The following MACROD2 variants were observed in gnomAD, a reference collection of about 807,000 sequenced individuals.
MACROD2 encodes ADP-ribose glycohydrolase MACROD2.
MACROD2 carries 36 observed loss-of-function variants against 70.4 expected under a neutral mutation model. The observed-to-expected ratio is 0.51, with a 90% CI of 0.39 to 0.68. MACROD2 has a LOEUF of 0.68. MACROD2 is among the 30% of genes least tolerant of loss of function. The pLI, the probability that MACROD2 is intolerant of heterozygous loss-of-function variation, is 0.00. For synonymous variants in MACROD2, 172 were observed against 178.8 expected (o/e 0.96, Z 0.30); for missense variants, 496 against 538.4 (o/e 0.92, Z 0.78).
chr20:15,973,783 C>T (rs2066265494), intron 13 of MACROD2, among the ~76,000 whole-genome samples: 1 of 152,138 alleles, frequency 6.6e-6, no homozygotes, highest in African/African-American at 2.4e-5. Flanking sequence ...TGAAGAACTA[C>T]TTCTATTTGA....
intron 15 of MACROD2, among the ~76,000 whole-genome samples, chr20:16,030,175 A>G (rs533620583): frequency 2.5e-3 from 388 of 152,344 alleles, no homozygotes; most frequent in Middle Eastern, 6.8e-3. Flanking sequence ...CCACTATGGG[A>G]AGTCCAAGCC....
intron 2 of MACROD2, among the ~76,000 whole-genome samples, chr20:14,063,355 C>G (rs1470824830): frequency 6.6e-6 from 1 of 152,172 alleles, no homozygotes; most frequent in Non-Finnish European, 1.5e-5. Flanking sequence ...GACATAGGCT[C>G]TATCCATCTT....
chr20:15,583,506 A>G (rs2146651971), intron 8 of MACROD2, among the ~76,000 whole-genome samples: 1 of 152,288 alleles, frequency 6.6e-6, no homozygotes, highest in East Asian at 1.9e-4. Flanking sequence ...GTAATCTCCT[A>G]CGTAATCTTC....
intron 3 of MACROD2, among the ~76,000 whole-genome samples, chr20:14,177,250 T>C (rs2081269791): frequency 6.6e-6 from 1 of 151,006 alleles, no homozygotes; most frequent in Admixed American, 6.6e-5. Context: ...AAACTACAAG[T>C]GATGGCTAGC....
intron 3 of MACROD2, among the ~76,000 whole-genome samples, chr20:14,356,005 A>T (rs574606132): frequency 6.6e-6 from 1 of 152,318 alleles, no homozygotes; most frequent in South Asian, 2.1e-4. Context: ...CTGGATTTCA[A>T]GAACAACCAT....
intron 3 of MACROD2, among the ~76,000 whole-genome samples, chr20:14,477,961 G>A (rs552319958): frequency 2.0e-5 from 3 of 152,230 alleles, no homozygotes; most frequent in South Asian, 2.1e-4. Context: ...AATGCCTCCC[G>A]ATTAGGCCTT....
At chr20:15,150,281 G>T (rs1310592213) in intron 5 of MACROD2, among the ~76,000 whole-genome samples, 1 of 151,964 alleles carries the variant, frequency 6.6e-6, no homozygotes, top group Admixed American at 6.6e-5. Context: ...GGGACGAGGG[G>T]TGTAGGGGAA....
chr20:14,190,696 ATATTTTTTTTT>A (rs1427841585), intron 3 of MACROD2, among the ~76,000 whole-genome samples: 7 of 39,868 alleles, frequency 1.8e-4, no homozygotes, highest in African/African-American at 7.2e-4. Flanking sequence ...ATATATATAT[ATATTTTTTTTT>A]TTTTTTTTTT....
chr20:15,678,711 T>C (rs2146852947), intron 8 of MACROD2, among the ~76,000 whole-genome samples: 1 of 152,308 alleles, frequency 6.6e-6, no homozygotes, highest in East Asian at 1.9e-4. Context: ...CTTTCATGAT[T>C]ATCAGGGCAT....
rs73901208 is a variant in MACROD2 at position 14,192,184 on chromosome 20, A to G, written c.271+106456A>G. 1.8e-3 allele frequency among the ~76,000 whole-genome samples: 281 copies of G among 152,108 alleles called. 1 individual carries two copies. Among genetic ancestry groups the G allele is most frequent in the African/African-American group, 5.1e-3 (213 of 41,498 alleles). ...TTTCTCTTCTTCTTTGGGATTATCT[A>G]TTATGACGCATACCATTTTAGAACT... On this transcript the variant is annotated intron_variant, in intron 3 of 17. Coordinates refer to ENST00000684519, the MANE Select transcript of MACROD2 (RefSeq NM_001351661.2).
At chr20:14,766,951 G>A (rs905499169) in intron 5 of MACROD2, among the ~76,000 whole-genome samples, 3 of 152,048 alleles carry the variant, frequency 2.0e-5, no homozygotes, top group Admixed American at 6.6e-5. Flanking sequence ...CCAGTAAGCC[G>A]TTGGTATAAC....
intron 8 of MACROD2, among the ~76,000 whole-genome samples, chr20:15,618,615 G>T (rs1415655345): frequency 1.3e-5 from 2 of 151,314 alleles, no homozygotes; most frequent in Non-Finnish European, 2.9e-5. Flanking sequence ...CAAGGTCTTG[G>T]TGCTTAGCCC....
intron 5 of MACROD2, among the ~76,000 whole-genome samples, chr20:15,228,487 C>CTTTTT (rs527508760): frequency 9.2e-4 from 108 of 117,950 alleles, no homozygotes; most frequent in Non-Finnish European, 1.3e-3. Context: ...TTCCTTCTTT[C>CTTTTT]TTTTTTTTTT....
intron 8 of MACROD2, among the ~76,000 whole-genome samples, chr20:15,539,615 G>T (rs1384229040): frequency 1.3e-5 from 2 of 152,112 alleles, no homozygotes; most frequent in African/African-American, 4.8e-5. Flanking sequence ...TGCCTCTCTA[G>T]TTATCCAGTG....
At chr20:15,191,945 G>GAGAGAGAT (rs1555791172) in intron 5 of MACROD2, among the ~76,000 whole-genome samples, 2 of 132,086 alleles carry the variant, frequency 1.5e-5, no homozygotes, top group Non-Finnish European at 3.3e-5. Flanking sequence ...GAGAGAGAGA[G>GAGAGAGAT]TTAATACATA....
chr20:15,256,804 C>T (rs1374884978), intron 6 of MACROD2, among the ~76,000 whole-genome samples: 2 of 151,928 alleles, frequency 1.3e-5, no homozygotes, highest in African/African-American at 2.4e-5. Flanking sequence ...CAGAAATTTC[C>T]TAACAATATT....
At chr20:15,449,734 C>A (rs567709719) in intron 7 of MACROD2, among the ~76,000 whole-genome samples, 1 of 152,028 alleles carries the variant, frequency 6.6e-6, no homozygotes, top group African/African-American at 2.4e-5. Context: ...GTCTCATGCC[C>A]GTAATCCCAG....
intron 3 of MACROD2, among the ~76,000 whole-genome samples, chr20:14,148,537 A>G (rs1053036925): frequency 1.2e-4 from 18 of 152,238 alleles, no homozygotes; most frequent in African/African-American, 3.9e-4. Flanking sequence ...TCTCAGATTT[A>G]CTTTTGTCAG....
chr20:14,731,982 A>T (rs189335491), intron 5 of MACROD2, among the ~76,000 whole-genome samples: 122 of 152,306 alleles, frequency 8.0e-4, no homozygotes, highest in African/African-American at 2.9e-3. Context: ...TACATGAATT[A>T]AATATTTTTT....
Sources: gnomAD v4.1 joint callset for allele counts (sites outside exome capture counted in the v4.1 genomes callset) on GRCh38, gnomAD v4.1.1 for gene constraint, MANE v1.5 for transcripts, NCBI Gene and HGNC (gene_info 2026-07-23, HGNC 2026-07-21) for gene names.